DENND1B: variants seen among roughly 807,000 people sequenced by gnomAD.
The protein encoded by DENND1B is DENN domain-containing protein 1B.
In DENND1B, 59 loss-of-function variants were observed where a neutral mutation model predicts 90.1. That is an observed-to-expected ratio of 0.65 (90% CI 0.53 to 0.81). The LOEUF (loss-of-function observed/expected upper bound fraction) is 0.81, where lower values mean the gene tolerates loss of function less well. DENND1B is among the 40% of genes least tolerant of loss of function. DENND1B has a pLI of 0.00. For synonymous variants in DENND1B, 337 were observed against 324.6 expected (o/e 1.04, Z -0.41); for missense variants, 862 against 912.6 (o/e 0.94, Z 0.71).
intron 3 of DENND1B, among the ~76,000 whole-genome samples, chr1:197,688,455 A>G (rs1407887150): frequency 1.3e-5 from 2 of 152,158 alleles, no homozygotes; most frequent in Non-Finnish European, 2.9e-5. Flanking sequence ...ACAGTACGGT[A>G]CTGGCAGAAA....
chr1:197,524,734 G>A (rs971971724), intron 20 of DENND1B, among the ~76,000 whole-genome samples: 8 of 152,074 alleles, frequency 5.3e-5, no homozygotes, highest in Non-Finnish European at 1.2e-4. Context: ...ACCAGCACAC[G>A]CTAGATACTG....
intron 10 of DENND1B, among the ~76,000 whole-genome samples, chr1:197,640,789 C>A (rs1308085876): frequency 2.0e-5 from 3 of 152,160 alleles, no homozygotes; most frequent in Admixed American, 2.0e-4. Flanking sequence ...TATTCCCTCA[C>A]TTTCTTTGGA....
rs1218960195 is a variant in DENND1B, at chr1:197,595,257, G to A, written c.998C>T (p.Ala333Val). 1 of 1,613,366 alleles carries A rather than the reference G, an allele frequency of 6.2e-7. No homozygotes were observed. The highest frequency in any genetic ancestry group is 1.1e-5 in the South Asian group (1 of 91,074). The change falls in exon 14 of 23, where the codon GCA becomes GTA. Residue 333 changes from alanine (A) to valine (V), a missense_variant. Ala to Val is a moderately conservative substitution (Grantham distance 64). Coordinates refer to ENST00000620048, the MANE Select transcript of DENND1B (RefSeq NM_001195215.2). Reference protein sequence around the residue: ...GDGVARAFLRAQAALFGSYRD... With the variant: ...GDGVARAFLRVQAALFGSYRD... ...GTAGGATCCAAACAAAGCAGCCTGT[G>A]CTCTAAGAAAGGCCCTAGCTACTCC...
chr1:197,721,754 T>C (rs1661202961), intron 2 of DENND1B, among the ~76,000 whole-genome samples: 1 of 152,094 alleles, frequency 6.6e-6, no homozygotes, highest in South Asian at 2.1e-4. Flanking sequence ...ACATCAACTA[T>C]ACCACTTACA....
intron 16 of DENND1B, among the ~76,000 whole-genome samples, chr1:197,547,918 C>A (rs1234863608): frequency 3.3e-5 from 5 of 152,116 alleles, no homozygotes. Context: ...ATACTTTTTA[C>A]TTCTCTACTA....
intron 6 of DENND1B, among the ~76,000 whole-genome samples, chr1:197,657,990 C>T (rs1349730062): frequency 6.6e-6 from 1 of 152,104 alleles, no homozygotes; most frequent in Non-Finnish European, 1.5e-5. Context: ...AAGCCAGTCA[C>T]TTGGCAAATA....
At chr1:197,647,184 T>C in intron 7 of DENND1B, 70 bp from the exon 8 acceptor site, 1 of 1,118,630 alleles carries the variant, frequency 8.9e-7, no homozygotes, top group Non-Finnish European at 1.2e-6. Context: ...CAATTTGCTG[T>C]GTAATTGAGA....
chr1:197,511,873 A>T lies in DENND1B; in HGVS notation c.1670T>A (p.Val557Glu), dbSNP rs761364795. 2 of 1,611,242 alleles carry T rather than the reference A, an allele frequency of 1.2e-6. No individual in the cohort carries two copies. Among genetic ancestry groups the T allele is most frequent in the East Asian group, 4.5e-5 (2 of 44,788 alleles). ...CATTTCACCTGAGTAAGGAGTCTTC[A>T]CTCTTGTTTCAACAGAGTCATCACT... is the stretch of plus-strand genomic sequence containing the variant. The part of the protein sequence containing the change: ...YESDDSVETR[V>E]KTPYSGEMDL... The change falls in exon 22 of 23, where the codon GTG (valine) becomes GAG (glutamate). Residue 557 changes from valine to glutamate, a missense_variant. Coordinates refer to ENST00000620048, the MANE Select transcript of DENND1B (RefSeq NM_001195215.2).
chr1:197,654,594 A>G (rs1451992629), intron 6 of DENND1B, among the ~76,000 whole-genome samples: 1 of 151,412 alleles, frequency 6.6e-6, no homozygotes, highest in African/African-American at 2.4e-5. Context: ...TGGGCGACAG[A>G]GCGTGACTCC....
chr1:197,632,418 A>T (rs1225275569), intron 10 of DENND1B, among the ~76,000 whole-genome samples: 2 of 152,134 alleles, frequency 1.3e-5, no homozygotes, highest in Non-Finnish European at 2.9e-5. Flanking sequence ...CCTAGACATG[A>T]TACAAATTCC....
intron 12 of DENND1B, among the ~76,000 whole-genome samples, chr1:197,608,795 T>C (rs1449630079): frequency 6.6e-6 from 1 of 150,550 alleles, no homozygotes; most frequent in Non-Finnish European, 1.5e-5. Context: ...ACATGTACAA[T>C]TTTTTCAAAA....
intron 15 of DENND1B, among the ~76,000 whole-genome samples, chr1:197,571,289 A>G (rs1673131543): frequency 6.6e-6 from 1 of 152,224 alleles, no homozygotes; most frequent in Non-Finnish European, 1.5e-5. Context: ...TCCATTTAGA[A>G]TAAAAGGTAA....
chr1:197,569,751 G>T (rs1672994470), intron 15 of DENND1B, among the ~76,000 whole-genome samples: 1 of 152,040 alleles, frequency 6.6e-6, no homozygotes, highest in Non-Finnish European at 1.5e-5. Flanking sequence ...GAGAAGCAGA[G>T]AACAGAATGG....
At chr1:197,744,539 G>A (rs930501689) in intron 2 of DENND1B, among the ~76,000 whole-genome samples, 4 of 152,156 alleles carry the variant, frequency 2.6e-5, no homozygotes, top group Admixed American at 6.5e-5. Flanking sequence ...AGTGGCCCTA[G>A]AATATTCGAT....
chr1:197,564,562 C>A (rs1041774875), intron 15 of DENND1B, among the ~76,000 whole-genome samples: 3 of 151,720 alleles, frequency 2.0e-5, no homozygotes, highest in Admixed American at 1.3e-4. Flanking sequence ...TGTTTATATG[C>A]ACTGGGAAAC....
chr1:197,773,004 T>TCTAAAA, intron 1 of DENND1B, 72 bp from the exon 2 acceptor site: 2 of 1,234,786 alleles, frequency 1.6e-6, no homozygotes, highest in Non-Finnish European at 2.3e-6. Flanking sequence ...TTTTCTTAAT[T>TCTAAAA]CTAAAACTAA....
intron 20 of DENND1B, among the ~76,000 whole-genome samples, chr1:197,535,509 A>G (rs1313260505): frequency 6.6e-6 from 1 of 152,222 alleles, no homozygotes; most frequent in Non-Finnish European, 1.5e-5. Flanking sequence ...TTATAGTAAT[A>G]CTCAGAACAG....
At chr1:197,622,464 T>C (rs1678260671) in intron 10 of DENND1B, among the ~76,000 whole-genome samples, 1 of 151,390 alleles carries the variant, frequency 6.6e-6, no homozygotes, top group African/African-American at 2.4e-5. Flanking sequence ...TAAATTATCA[T>C]CATTATGAGG....
At chr1:197,525,611 T>C (rs1287414144) in intron 20 of DENND1B, among the ~76,000 whole-genome samples, 1 of 152,114 alleles carries the variant, frequency 6.6e-6, no homozygotes, top group Non-Finnish European at 1.5e-5. Context: ...AAGAACCATA[T>C]TATTTTCAAT....
Sources: gnomAD v4.1 joint callset for allele counts (sites outside exome capture counted in the v4.1 genomes callset) on GRCh38, gnomAD v4.1.1 for gene constraint, MANE v1.5 for transcripts, NCBI Gene and HGNC (gene_info 2026-07-23, HGNC 2026-07-21) for gene names.